PRDM11: variants seen among roughly 807,000 people sequenced by gnomAD.
PRDM11 encodes the protein PR/SET domain 11.
PRDM11 carries 20 observed loss-of-function variants against 97.8 expected under a neutral mutation model. The observed-to-expected ratio is 0.20, with a 90% CI of 0.14 to 0.30. The LOEUF is 0.30. Among genes scored for constraint, PRDM11 ranks in the 10% least tolerant of loss-of-function variants. The probability of loss-of-function intolerance (pLI) is 1.00; values close to 1 mark genes in which losing one functional copy is unlikely to be tolerated. For missense variants in PRDM11, 1,139 were observed against 1,555.2 expected, an observed-to-expected ratio of 0.73 and a Z score of 4.50; for synonymous variants, 599 against 637.7, an observed-to-expected ratio of 0.94 and a Z score of 0.91.
In PRDM11 at chr11:45,234,736, A is replaced by G. The variant is rs1854470996; in HGVS notation, c.*6577A>G. The stretch of plus-strand genomic sequence containing the variant: ...GCCAGGCTGCCCTCGGGCACCTCTC[A>G]GTCTTCACTTTTGTCTCTCCGGAAG... On this transcript the variant is annotated 3_prime_UTR_variant, in exon 8 of 8. Transcript: ENST00000683152. 1.3e-5 allele frequency: 2 copies of G among 152,244 alleles called. No individual in the cohort carries two copies. The highest frequency in any genetic ancestry group is 1.3e-4 in the Admixed American group (2 of 15,280). The allele number at this position is 152,244 out of a possible 1,614,324, so 9.4% of individuals were successfully genotyped here.
At chr11:45,110,164 A>G (rs886352585) in intron 1 of PRDM11, among the ~76,000 whole-genome samples, 1 of 152,202 alleles carries the variant, frequency 6.6e-6, no homozygotes, top group Non-Finnish European at 1.5e-5. Flanking sequence ...GGCAATGCTA[A>G]GCTTCACACA....
chr11:45,147,080 GAGGTGGGTGAACCCTCGGC>G (rs1851530929), intron 1 of PRDM11, among the ~76,000 whole-genome samples: 1 of 148,484 alleles, frequency 6.7e-6, no homozygotes, highest in Non-Finnish European at 1.5e-5. Flanking sequence ...CCGTGGCCGC[GAGGTGGGTGAACCCTCGGC>G]AGGTAGCTGC....
Position 45,211,026 on chromosome 11 carries a change from C to T in PRDM11, c.554+6248C>T, listed in dbSNP as rs185677110. 1.3e-5 allele frequency among the ~76,000 whole-genome samples: 2 copies of T among 152,300 alleles called. 1 individual carries two copies. Among genetic ancestry groups the T allele is most frequent in the East Asian group, 3.9e-4 (2 of 5,164 alleles). ...CCCGAGTGTGCCATCAGGCAGAGCC[C>T]GCTCACCCCCATGGCAGGCTCACAG... On this transcript the variant is annotated intron_variant, in intron 5 of 7. Coordinates refer to ENST00000683152, the MANE Select transcript of PRDM11 (RefSeq NM_001384648.1).
intron 1 of PRDM11, among the ~76,000 whole-genome samples, chr11:45,110,328 C>T (rs1252369674): frequency 2.0e-5 from 3 of 152,108 alleles, no homozygotes; most frequent in African/African-American, 7.2e-5. Context: ...TCTGGCTTGC[C>T]CACATGTCAC....
At chr11:45,112,628 G>A (rs12295866) in intron 1 of PRDM11, among the ~76,000 whole-genome samples, 2,090 of 152,192 alleles carry the variant, frequency 0.014, 40 homozygotes, top group African/African-American at 0.048. Context: ...AATGATGGCC[G>A]TTCTTGGAAG....
At chr11:45,173,208 C>T (rs1240862383) in intron 1 of PRDM11, among the ~76,000 whole-genome samples, 1 of 152,152 alleles carries the variant, frequency 6.6e-6, no homozygotes, top group East Asian at 1.9e-4. Flanking sequence ...CTGAATCTCA[C>T]TTAGTTGGTC....
At position 45,167,655 on chromosome 11, in the gene PRDM11, A is replaced by G. The variant is rs1478264116; in HGVS notation, c.-6-14106A>G. ...ATTACCTATATCACTAGCAGCAGAA[A>G]TGATTCAGAGTCAGAGGATAGTGAG... is the stretch of plus-strand genomic sequence containing the variant. On this transcript the variant is annotated intron_variant, in intron 1 of 7. Transcript: ENST00000683152. Among the ~76,000 whole-genome samples the G allele has an allele frequency of 2.0e-5, 3 of 152,120 alleles. No homozygotes were observed. The East Asian group carries it at 5.8e-4, about 29-fold the overall frequency.
chr11:45,137,750 A>G (rs1852902866), intron 1 of PRDM11, among the ~76,000 whole-genome samples: 1 of 152,162 alleles, frequency 6.6e-6, no homozygotes, highest in African/African-American at 2.4e-5. Context: ...CCTGTAAAGA[A>G]AGAGAGAAAA....
chr11:45,224,795 G>C lies in PRDM11; in HGVS notation c.1321G>C (p.Val441Leu). 3 of 1,614,144 alleles carry C rather than the reference G, an allele frequency of 1.9e-6. No homozygotes were observed. Among genetic ancestry groups the C allele is most frequent in the Non-Finnish European group, 2.5e-6 (3 of 1,180,038 alleles). ...GTCTGGGAAACTTCCTGAGCCCCCC[G>C]TATTGCCACCACAGGTACTGGAGCT... ...LKSGKLPEPP[V>L]LPPQVLELPE... The change falls in exon 7 of 8, where the codon GTA becomes CTA. Residue 441 changes from valine to leucine, a missense_variant. This residue lies in a region of PRDM11 where 710 missense variants were observed against 1,044.9 expected (regional missense o/e 0.68). Transcript: ENST00000683152.
chr11:45,200,716 A>G (rs1237943880), intron 4 of PRDM11, among the ~76,000 whole-genome samples: 1 of 152,204 alleles, frequency 6.6e-6, no homozygotes, highest in African/African-American at 2.4e-5. Context: ...GTTCTCTGAG[A>G]TTCCAGGGGA....
At chr11:45,208,532 C>G (rs1426083120) in intron 5 of PRDM11, among the ~76,000 whole-genome samples, 3 of 152,120 alleles carry the variant, frequency 2.0e-5, no homozygotes, top group Non-Finnish European at 1.5e-5. Flanking sequence ...AGTAATAAAC[C>G]CGAAGAGTTG....
At chr11:45,094,475 G>C (rs1045665740), upstream of PRDM11, among the ~76,000 whole-genome samples, 3 of 151,704 alleles carry the variant, frequency 2.0e-5, no homozygotes, top group African/African-American at 4.8e-5. Flanking sequence ...AGAAGGAAGT[G>C]AGTCATGGTG....
intron 1 of PRDM11, among the ~76,000 whole-genome samples, chr11:45,100,913 G>A (rs1851962455): frequency 6.6e-6 from 1 of 152,164 alleles, no homozygotes; most frequent in South Asian, 2.1e-4. Context: ...ATTTGCCCAG[G>A]GTCATGCAGA....
intron 1 of PRDM11, among the ~76,000 whole-genome samples, chr11:45,114,302 G>T (rs1022515316): frequency 5.3e-5 from 8 of 152,048 alleles, no homozygotes; most frequent in Non-Finnish European, 7.4e-5. Context: ...TACCATATAT[G>T]AAATTTAAAA....
chr11:45,104,571 C>A (rs936196557), intron 1 of PRDM11, among the ~76,000 whole-genome samples: 3 of 152,136 alleles, frequency 2.0e-5, no homozygotes, highest in African/African-American at 7.2e-5. Flanking sequence ...GAGGCACAGA[C>A]ACTTCAGACC....
chr11:45,095,468 G>A (rs927141523), upstream of PRDM11, among the ~76,000 whole-genome samples: 1 of 152,186 alleles, frequency 6.6e-6, no homozygotes, highest in African/African-American at 2.4e-5. Flanking sequence ...TCAGGACGTG[G>A]GGTTTCAGTC....
rs947602164 is a variant in PRDM11, at chr11:45,228,217, A to G, written c.*58A>G. 8.8e-6 allele frequency: 8 copies of G among 912,244 alleles called. No homozygotes were observed. The highest frequency in any genetic ancestry group is 1.1e-5 in the Non-Finnish European group (8 of 699,316). 56.5% of individuals were successfully genotyped at this position (912,244 alleles called of 1,614,324 possible). ...GAATATTTTTTTAATCTATACTCAT[A>G]AGCTTTGATATATTATATAAATATA... On this transcript the variant is annotated 3_prime_UTR_variant, in exon 8 of 8. Coordinates refer to ENST00000683152, the MANE Select transcript of PRDM11 (RefSeq NM_001384648.1).
chr11:45,164,314 A>C (rs905542085), intron 1 of PRDM11, among the ~76,000 whole-genome samples: 1 of 152,234 alleles, frequency 6.6e-6, no homozygotes, highest in Non-Finnish European at 1.5e-5. Context: ...CAGAGGCTCC[A>C]GTTGGCCAGG....
chr11:45,193,663 C>T (rs1852992569), intron 4 of PRDM11, among the ~76,000 whole-genome samples: 3 of 152,190 alleles, frequency 2.0e-5, no homozygotes. Context: ...TCATTCTTAG[C>T]CTGGTGGGCC....
Sources: gnomAD v4.1 joint callset for allele counts (sites outside exome capture counted in the v4.1 genomes callset) on GRCh38, gnomAD v4.1.1 for gene constraint, gnomAD v4.1.1 regional missense constraint, MANE v1.5 for transcripts, NCBI Gene and HGNC (gene_info 2026-07-23, HGNC 2026-07-21) for gene names.